The following PAPPA variants were observed in gnomAD, a reference collection of about 807,000 sequenced individuals.
PAPPA encodes pappalysin 1.
Under a neutral mutation model 164.0 loss-of-function variants are expected in PAPPA, and 60 were observed. That is an observed-to-expected ratio of 0.37 (90% CI 0.30 to 0.45). The LOEUF (loss-of-function observed/expected upper bound fraction) is 0.45. Ranked by LOEUF, PAPPA falls within the 20% of genes least tolerant of loss-of-function variation. The pLI, the probability that PAPPA is intolerant of heterozygous loss-of-function variation, is 1.00. For missense variants in PAPPA, 1,782 were observed against 2,087.3 expected (o/e 0.85, Z 2.85); for synonymous variants, 875 against 814.1 (o/e 1.07, Z -1.27).
intron 21 of PAPPA, among the ~76,000 whole-genome samples, chr9:116,384,373 G>A (rs913608012): frequency 4.0e-5 from 6 of 151,728 alleles, no homozygotes; most frequent in Admixed American, 3.3e-4. Context: ...AGGACCACTT[G>A]AGCTCAGAGA....
intron 6 of PAPPA, among the ~76,000 whole-genome samples, chr9:116,230,662 A>G (rs745849072): frequency 2.6e-5 from 4 of 152,212 alleles, no homozygotes; most frequent in Non-Finnish European, 4.4e-5. Flanking sequence ...AATCTACTGC[A>G]TTTCATTAGC....
intron 17 of PAPPA, among the ~76,000 whole-genome samples, chr9:116,360,018 A>C (rs1846403543): frequency 6.6e-6 from 1 of 152,244 alleles, no homozygotes; most frequent in African/African-American, 2.4e-5. Context: ...CCCACCTTTC[A>C]TTCATGGTGG....
intron 16 of PAPPA, among the ~76,000 whole-genome samples, chr9:116,353,394 C>G (rs753138224): frequency 6.6e-6 from 1 of 152,188 alleles, no homozygotes; most frequent in Non-Finnish European, 1.5e-5. Flanking sequence ...AGTTTTGTCT[C>G]AATCTACATG....
At chr9:116,225,720 A>G (rs1844498201) in intron 5 of PAPPA, among the ~76,000 whole-genome samples, 1 of 152,152 alleles carries the variant, frequency 6.6e-6, no homozygotes, top group South Asian at 2.1e-4. Flanking sequence ...TCATATTTAC[A>G]ATGATAAGGC....
At chr9:116,270,640 T>C (rs139321932) in intron 8 of PAPPA, among the ~76,000 whole-genome samples, 2 of 152,290 alleles carry the variant, frequency 1.3e-5, no homozygotes, top group Non-Finnish European at 2.9e-5. Context: ...AATTCAAAGA[T>C]CATTGCTCAT....
chr9:116,279,250 G>A (rs75009932), intron 9 of PAPPA, among the ~76,000 whole-genome samples: 1,828 of 152,250 alleles, frequency 0.012, 35 homozygotes, highest in African/African-American at 0.042. Flanking sequence ...AGGGTCAAAG[G>A]GGGTCACTGA....
intron 2 of PAPPA, among the ~76,000 whole-genome samples, chr9:116,203,354 C>A (rs2118665962): frequency 6.6e-6 from 1 of 152,280 alleles, no homozygotes; most frequent in South Asian, 2.1e-4. Context: ...GAGAGAGGTG[C>A]TCAGTAGCTG....
chr9:116,262,195 C>A (rs1845010796), intron 7 of PAPPA, among the ~76,000 whole-genome samples: 1 of 67,992 alleles, frequency 1.5e-5, no homozygotes, highest in South Asian at 6.7e-4. Flanking sequence ...CAGAGCAAGA[C>A]TGTCTTAAAA....
intron 10 of PAPPA, among the ~76,000 whole-genome samples, chr9:116,309,287 G>A (rs1845686110): frequency 6.6e-6 from 1 of 151,980 alleles, no homozygotes; most frequent in African/African-American, 2.4e-5. Flanking sequence ...TGTTGGTCAG[G>A]CTGGTCTCAA....
At chr9:116,175,551 A>T (rs1843824637) in intron 1 of PAPPA, among the ~76,000 whole-genome samples, 2 of 152,234 alleles carry the variant, frequency 1.3e-5, no homozygotes, top group South Asian at 4.1e-4. Context: ...TTAAAAGAAG[A>T]AGAAAAGCTT....
rs1314650099 is a variant in PAPPA, at chr9:116,331,315, C to T, written c.3219C>T (p.Ser1073=). ...SQHAWYPCTI[S]YPYSQLAQTT... ...ATGCCTGGTACCCTTGCACCATCAG[C>T]TACCCATATTCCCAGCTGGCTCAGA... Residue 1073 remains serine (S), a synonymous_variant, in exon 11 of 22, where the codon AGC becomes AGT. Transcript: ENST00000328252. 2 of 1,613,802 alleles carry T rather than the reference C, an allele frequency of 1.2e-6. No homozygotes were observed. The highest frequency in any genetic ancestry group is 1.1e-5 in the South Asian group (1 of 91,070).
intron 16 of PAPPA, among the ~76,000 whole-genome samples, chr9:116,353,252 T>C (rs1323438): frequency 0.61 from 92,557 of 152,068 alleles, 30,718 homozygotes; most frequent in Middle Eastern, 0.74. Context: ...AAGATGTGCA[T>C]GTAAAGTGCT....
chr9:116,383,979 A>G (rs1376358632), intron 21 of PAPPA, among the ~76,000 whole-genome samples: 1 of 152,158 alleles, frequency 6.6e-6, no homozygotes, highest in African/African-American at 2.4e-5. Flanking sequence ...ACCAAAGAAA[A>G]CCACTGCTTT....
intron 9 of PAPPA, among the ~76,000 whole-genome samples, chr9:116,290,955 C>CCTAT (rs1241140810): frequency 6.6e-6 from 1 of 152,062 alleles, no homozygotes; most frequent in Non-Finnish European, 1.5e-5. Flanking sequence ...AGAATGCCAG[C>CCTAT]CTATCTCTTG....
chr9:116,256,576 T>C (rs1039712070), intron 7 of PAPPA, among the ~76,000 whole-genome samples: 3 of 151,846 alleles, frequency 2.0e-5, no homozygotes, highest in African/African-American at 7.2e-5. Flanking sequence ...TTAATATAGT[T>C]TTCAGACTAA....
At chr9:116,364,095 G>T (rs1846467314) in intron 18 of PAPPA, among the ~76,000 whole-genome samples, 2 of 152,210 alleles carry the variant, frequency 1.3e-5, no homozygotes, top group Non-Finnish European at 2.9e-5. Flanking sequence ...AGAAGGTTGG[G>T]CAACAAGTAT....
At chr9:116,306,573 A>C (rs550087028) in intron 10 of PAPPA, among the ~76,000 whole-genome samples, 1 of 152,188 alleles carries the variant, frequency 6.6e-6, no homozygotes, top group Admixed American at 6.5e-5. Context: ...TTGGCCATGC[A>C]CCTTCCTGGC....
chr9:116,161,732 G>C (rs1843667131), intron 1 of PAPPA, among the ~76,000 whole-genome samples: 1 of 151,918 alleles, frequency 6.6e-6, no homozygotes, highest in Middle Eastern at 3.4e-3. Context: ...AAAGGTTCTG[G>C]GGGTAGTGGT....
chr9:116,388,649 A>G (rs1389907179), intron 21 of PAPPA, among the ~76,000 whole-genome samples: 1 of 152,218 alleles, frequency 6.6e-6, no homozygotes, highest in African/African-American at 2.4e-5. Flanking sequence ...CCTGTCTAAT[A>G]ACTCAACATA....
Sources: gnomAD v4.1 joint callset for allele counts (sites outside exome capture counted in the v4.1 genomes callset) on GRCh38, gnomAD v4.1.1 for gene constraint, MANE v1.5 for transcripts, NCBI Gene and HGNC (gene_info 2026-07-23, HGNC 2026-07-21) for gene names.